AMBRA1: variants seen among roughly 807,000 people sequenced by gnomAD.
AMBRA1 encodes the protein activating molecule in BECN1-regulated autophagy protein 1.
A neutral mutation model predicts 125.4 loss-of-function variants in AMBRA1; 47 were observed. The observed-to-expected ratio is 0.37, with a 90% CI of 0.30 to 0.48. The LOEUF (loss-of-function observed/expected upper bound fraction) is 0.48. Among genes scored for constraint, AMBRA1 ranks in the 20% least tolerant of loss-of-function variants. The pLI is 0.99. For missense variants in AMBRA1, 1,331 were observed against 1,693.4 expected, an observed-to-expected ratio of 0.79 and a Z score of 3.76; for synonymous variants, 626 against 655.5, an observed-to-expected ratio of 0.95 and a Z score of 0.69.
chr11:46,512,224 CCTT>C (rs1951286051), intron 8 of AMBRA1, among the ~76,000 whole-genome samples: 1 of 152,250 alleles, frequency 6.6e-6, no homozygotes, highest in Admixed American at 6.5e-5. Context: ...TCCATTTACT[CCTT>C]CTTCGGTCGT....
At chr11:46,559,674 G>A (rs1045838243) in intron 1 of AMBRA1, among the ~76,000 whole-genome samples, 1 of 152,094 alleles carries the variant, frequency 6.6e-6, no homozygotes, top group African/African-American at 2.4e-5. Context: ...GCAATCTGGG[G>A]ATATAGGAGT....
intron 7 of AMBRA1, among the ~76,000 whole-genome samples, chr11:46,540,212 G>C (rs1952672421): frequency 6.6e-6 from 1 of 152,188 alleles, no homozygotes; most frequent in Non-Finnish European, 1.5e-5. Context: ...CACATGAAGA[G>C]GTACTACTAA....
At chr11:46,549,791 C>A (rs1007114127) in intron 1 of AMBRA1, among the ~76,000 whole-genome samples, 1 of 151,616 alleles carries the variant, frequency 6.6e-6, no homozygotes, top group Non-Finnish European at 1.5e-5. Flanking sequence ...TTTATGTTTT[C>A]ATTTATTTGT....
intron 1 of AMBRA1, among the ~76,000 whole-genome samples, chr11:46,581,622 A>C (rs773164563): frequency 1.9e-4 from 29 of 151,850 alleles, no homozygotes; most frequent in Admixed American, 9.9e-4. Context: ...TAAATAAATA[A>C]ATACATAAAT....
At chr11:46,538,757 C>A (rs1373978975) in intron 7 of AMBRA1, among the ~76,000 whole-genome samples, 1 of 152,152 alleles carries the variant, frequency 6.6e-6, no homozygotes, top group South Asian at 2.1e-4. Flanking sequence ...TTCGGCCTCT[C>A]AAAGTGCTGG....
intron 11 of AMBRA1, among the ~76,000 whole-genome samples, chr11:46,453,621 T>C (rs1948720662): frequency 6.6e-6 from 1 of 152,188 alleles, no homozygotes; most frequent in African/African-American, 2.4e-5. Context: ...AAAGACTAAT[T>C]CTGAGTGTAT....
intron 15 of AMBRA1, among the ~76,000 whole-genome samples, chr11:46,411,099 CAAA>C (rs59903160): frequency 1.7e-5 from 1 of 60,188 alleles, no homozygotes; most frequent in African/African-American, 6.8e-5. Context: ...GACTCTGTCT[CAAA>C]AAAAAAAAAA....
At chr11:46,440,954 G>T (rs1228947574) in intron 12 of AMBRA1, among the ~76,000 whole-genome samples, 3 of 152,178 alleles carry the variant, frequency 2.0e-5, no homozygotes, top group African/African-American at 7.2e-5. Context: ...CAAGCCCAGA[G>T]TGGTAATTCA....
At chr11:46,443,405 C>A in intron 12 of AMBRA1, 83 bp downstream of exon 12, 1 of 1,079,806 alleles carries the variant, frequency 9.3e-7, no homozygotes. Context: ...TGATGAAAAA[C>A]CCAGTGCTCC....
intron 11 of AMBRA1, among the ~76,000 whole-genome samples, chr11:46,473,763 G>A (rs1414108068): frequency 6.6e-6 from 1 of 152,138 alleles, no homozygotes; most frequent in Admixed American, 6.5e-5. Context: ...CCATTCTCCT[G>A]CCTCAGCCTC....
intron 9 of AMBRA1, among the ~76,000 whole-genome samples, chr11:46,496,851 C>T (rs1950649551): frequency 6.7e-6 from 1 of 150,176 alleles, no homozygotes; most frequent in South Asian, 2.1e-4. Context: ...GTGCCTCATG[C>T]CTGTAATCCC....
chr11:46,547,470 CT>C, intron 3 of AMBRA1, 174 bp from the exon 4 acceptor site: 1 of 633,928 alleles, frequency 1.6e-6, no homozygotes, highest in Non-Finnish European at 2.6e-6. Context: ...TCTTTAAAAG[CT>C]TTTGGCTTGT....
chr11:46,493,777 C>T, intron 10 of AMBRA1, 69 bp from the exon 11 acceptor site: 8 of 1,277,364 alleles, frequency 6.3e-6, no homozygotes, highest in Non-Finnish European at 6.5e-6. Context: ...ACTACCTACA[C>T]TGAAAAATCT....
rs544950634 is a variant in AMBRA1, at chr11:46,521,231, T to G, written c.2073-8418A>C. ...GTTTTCAGAAACTGCTTACATCACC[T>G]TCATCCCCTCTGGTCACTTATGCTG... On this transcript the variant is annotated intron_variant, in intron 7 of 17. Transcript: ENST00000683756. Among the ~76,000 whole-genome samples, 6 of 152,356 alleles carry G rather than the reference T, an allele frequency of 3.9e-5. No homozygotes were observed. In the East Asian group the frequency reaches 1.2e-3, roughly 29 times the overall value.
chr11:46,583,656 A>C (rs1308355824), intron 1 of AMBRA1, among the ~76,000 whole-genome samples: 15 of 128,000 alleles, frequency 1.2e-4, no homozygotes, highest in African/African-American at 1.6e-4. Flanking sequence ...AATTTCCAAA[A>C]AAAAAAAAAA....
intron 1 of AMBRA1, among the ~76,000 whole-genome samples, chr11:46,567,002 T>G (rs2043556455): frequency 6.6e-6 from 1 of 152,128 alleles, no homozygotes; most frequent in African/African-American, 2.4e-5. Context: ...GGCAACAGAG[T>G]GAGCCCTGTC....
chr11:46,478,343 A>G (rs1319498970), intron 11 of AMBRA1, among the ~76,000 whole-genome samples: 1 of 152,216 alleles, frequency 6.6e-6, no homozygotes, highest in Non-Finnish European at 1.5e-5. Flanking sequence ...GTTCACTTAC[A>G]GCAAATTAGT....
At chr11:46,439,720 C>T (rs2136735349) in intron 12 of AMBRA1, among the ~76,000 whole-genome samples, 1 of 152,162 alleles carries the variant, frequency 6.6e-6, no homozygotes, top group East Asian at 1.9e-4. Flanking sequence ...TAGGAAGCTC[C>T]TATTATAAGT....
At chr11:46,502,884 C>A (rs1294567947) in intron 9 of AMBRA1, among the ~76,000 whole-genome samples, 3 of 151,724 alleles carry the variant, frequency 2.0e-5, no homozygotes, top group African/African-American at 7.3e-5. Context: ...CACGGTGAAA[C>A]CCCATCTCTA....
Sources: gnomAD v4.1 joint callset for allele counts (sites outside exome capture counted in the v4.1 genomes callset) on GRCh38, gnomAD v4.1.1 for gene constraint, MANE v1.5 for transcripts, NCBI Gene and HGNC (gene_info 2026-07-23, HGNC 2026-07-21) for gene names.